FLRT1: variants seen among roughly 807,000 people sequenced by gnomAD.
FLRT1 encodes fibronectin leucine rich transmembrane protein 1, also known as leucine-rich repeat transmembrane protein FLRT1.
In FLRT1, 14 loss-of-function variants were observed where a neutral mutation model predicts 30.9. The observed-to-expected ratio is 0.45, with a 90% confidence interval of 0.30 to 0.71. The LOEUF (loss-of-function observed/expected upper bound fraction) is 0.71, where lower values mean the gene tolerates loss of function less well. Ranked by LOEUF, FLRT1 falls within the 30% of genes least tolerant of loss-of-function variation. FLRT1 has a pLI of 0.08. For missense variants in FLRT1, 737 were observed against 949.2 expected, an observed-to-expected ratio of 0.78 and a Z score of 2.94; for synonymous variants, 368 against 430.4, an observed-to-expected ratio of 0.85 and a Z score of 1.80.
At chr11:64,109,979 G>A (rs1442148407) in intron 2 of FLRT1, among the ~76,000 whole-genome samples, 3 of 152,118 alleles carry the variant, frequency 2.0e-5, no homozygotes, top group African/African-American at 7.2e-5. Flanking sequence ...AGAGACTTGG[G>A]GCAGCTTTTA....
intron 1 of FLRT1, among the ~76,000 whole-genome samples, chr11:64,053,997 A>T (rs1943740221): frequency 6.6e-6 from 1 of 151,916 alleles, no homozygotes; most frequent in South Asian, 2.1e-4. Context: ...CTGCACTGTG[A>T]TCTAGTTGAC....
intron 1 of FLRT1, among the ~76,000 whole-genome samples, chr11:64,055,559 G>A (rs1001469353): frequency 1.3e-5 from 2 of 152,184 alleles, no homozygotes; most frequent in Admixed American, 6.5e-5. Flanking sequence ...TTTCCAGCAC[G>A]GAGCACAAGG....
At chr11:64,115,008 T>C (rs1944951189) in intron 2 of FLRT1, among the ~76,000 whole-genome samples, 1 of 152,116 alleles carries the variant, frequency 6.6e-6, no homozygotes, top group South Asian at 2.1e-4. Context: ...GGCATGAAAA[T>C]AAGGTCCCTG....
chr11:64,086,885 A>G (rs1001952906), intron 1 of FLRT1: 1 of 152,136 alleles, frequency 6.6e-6, no homozygotes, highest in African/African-American at 2.4e-5. Context: ...GGTAGCAGGC[A>G]GCCCGCTAGC....
At chr11:64,042,818 C>A (rs1943513879) in intron 1 of FLRT1, among the ~76,000 whole-genome samples, 1 of 152,190 alleles carries the variant, frequency 6.6e-6, no homozygotes, top group African/African-American at 2.4e-5. Flanking sequence ...CCCTGAGACC[C>A]CCACCAGGCT....
intron 1 of FLRT1, among the ~76,000 whole-genome samples, chr11:64,095,726 G>A (rs951583054): frequency 4.6e-5 from 7 of 152,350 alleles, no homozygotes; most frequent in South Asian, 2.1e-4. Context: ...TGCAGCAGGC[G>A]GAGGGAGGTG....
chr11:64,060,968 C>G (rs901523324), intron 1 of FLRT1, among the ~76,000 whole-genome samples: 2 of 151,866 alleles, frequency 1.3e-5, no homozygotes, highest in East Asian at 1.9e-4. Flanking sequence ...GCTCCCGGGC[C>G]GCCAGGCGAC....
intron 1 of FLRT1, among the ~76,000 whole-genome samples, chr11:64,100,212 TCC>T (rs749690479): frequency 6.6e-5 from 10 of 152,098 alleles, no homozygotes; most frequent in Non-Finnish European, 1.0e-4. Flanking sequence ...AGGTGCATTG[TCC>T]CCTGGCATAT....
rs971936733 is a variant in FLRT1 at position 64,072,425 on chromosome 11, A to T, written c.-1037-30769A>T. Among the ~76,000 whole-genome samples the T allele has an allele frequency of 6.0e-4, 69 of 114,808 alleles. 1 individual carries two copies. Among genetic ancestry groups the T allele is most frequent in the Admixed American group, 3.2e-3 (40 of 12,502 alleles). The allele number at this position is 114,808 out of a possible 152,430, so 75.3% of individuals were successfully genotyped here. ...AAGGTCAGCTGATCCGGCTCATTTA[A>T]AAAAAAAAAAATAATAATTACATAA... On this transcript the variant is annotated intron_variant, in intron 1 of 2. Transcript: ENST00000682287.
intron 2 of FLRT1, among the ~76,000 whole-genome samples, chr11:64,112,530 A>G (rs1944881019): frequency 6.6e-6 from 1 of 152,212 alleles, no homozygotes; most frequent in Non-Finnish European, 1.5e-5. Flanking sequence ...AAAACAAGGC[A>G]AAACAAAACA....
At chr11:64,113,539 T>C (rs1446902537) in intron 2 of FLRT1, among the ~76,000 whole-genome samples, 1 of 149,100 alleles carries the variant, frequency 6.7e-6, no homozygotes, top group Non-Finnish European at 1.5e-5. Context: ...GACAGGTGGA[T>C]GCATGGATGG....
At chr11:64,059,080 T>C (rs916026893) in intron 1 of FLRT1, among the ~76,000 whole-genome samples, 6 of 152,196 alleles carry the variant, frequency 3.9e-5, no homozygotes, top group Non-Finnish European at 8.8e-5. Context: ...TGGGGGAAAC[T>C]GAGGCTCACA....
intron 1 of FLRT1, among the ~76,000 whole-genome samples, chr11:64,099,234 G>A (rs754589915): frequency 3.3e-5 from 5 of 152,234 alleles, no homozygotes; most frequent in Non-Finnish European, 7.3e-5. Context: ...CCCACTCCCC[G>A]AAGGCTGGGC....
intron 1 of FLRT1, among the ~76,000 whole-genome samples, chr11:64,097,157 C>G (rs1306279859): frequency 1.3e-5 from 2 of 152,208 alleles, no homozygotes; most frequent in Non-Finnish European, 2.9e-5. Context: ...AGCTAGGGAA[C>G]CCTCCCCCTC....
intron 1 of FLRT1, among the ~76,000 whole-genome samples, chr11:64,100,255 G>C (rs1288986915): frequency 6.6e-6 from 1 of 152,184 alleles, no homozygotes; most frequent in Non-Finnish European, 1.5e-5. Flanking sequence ...AAAACGCAGA[G>C]GGTGGTGCAG....
chr11:64,063,349 G>A (rs1016894620), intron 1 of FLRT1, among the ~76,000 whole-genome samples: 3 of 152,158 alleles, frequency 2.0e-5, no homozygotes, highest in Non-Finnish European at 4.4e-5. Context: ...GCAGGGAGGT[G>A]CCACACACGT....
chr11:64,111,777 T>C (rs1944867116), intron 2 of FLRT1, among the ~76,000 whole-genome samples: 1 of 152,212 alleles, frequency 6.6e-6, no homozygotes, highest in Admixed American at 6.5e-5. Context: ...TTTCCCATGA[T>C]CTGGGCCAGT....
intron 2 of FLRT1, among the ~76,000 whole-genome samples, chr11:64,114,497 A>G (rs1025192047): frequency 1.3e-5 from 2 of 149,410 alleles, no homozygotes; most frequent in African/African-American, 2.5e-5. Context: ...GAATGGATGG[A>G]TGGATGGATG....
At chr11:64,045,784 A>G (rs1255254771) in intron 1 of FLRT1, among the ~76,000 whole-genome samples, 1 of 152,190 alleles carries the variant, frequency 6.6e-6, no homozygotes, top group Admixed American at 6.5e-5. Context: ...GGAATTCAGA[A>G]CTAACAATAA....
Sources: allele counts gnomAD v4.1 joint callset (sites outside exome capture counted in the v4.1 genomes callset), GRCh38; gene constraint gnomAD v4.1.1; transcripts MANE v1.5; gene names NCBI Gene and HGNC (gene_info 2026-07-23, HGNC 2026-07-21).